INPP4B: variants seen among roughly 807,000 people sequenced by gnomAD.
The protein encoded by INPP4B is inositol polyphosphate 4-phosphatase type II.
INPP4B carries 55 observed loss-of-function variants against 122.5 expected under a neutral mutation model. The ratio of observed to expected loss-of-function variants is 0.45; its 90% confidence interval spans 0.36 to 0.56. The LOEUF (loss-of-function observed/expected upper bound fraction) is 0.56. INPP4B is among the 20% of genes least tolerant of loss of function. The probability of loss-of-function intolerance (pLI) is 0.00; values close to 1 mark genes in which losing one functional copy is unlikely to be tolerated. For missense variants in INPP4B, 1,000 were observed against 1,097.7 expected (o/e 0.91, Z 1.26); for synonymous variants, 403 against 388.7 (o/e 1.04, Z -0.43).
intron 1 of INPP4B, among the ~76,000 whole-genome samples, chr4:142,818,275 C>T (rs1285707371): frequency 1.3e-5 from 2 of 152,160 alleles, no homozygotes; most frequent in Admixed American, 6.6e-5. Context: ...ACTTCAAAGA[C>T]CATCCATCAC....
intron 2 of INPP4B, among the ~76,000 whole-genome samples, chr4:142,533,302 G>A (rs1232741731): frequency 6.6e-6 from 1 of 152,082 alleles, no homozygotes; most frequent in East Asian, 1.9e-4. Context: ...TGCCATCAGT[G>A]TGAGGAAAAA....
chr4:142,748,850 C>T (rs1383599880), intron 1 of INPP4B, among the ~76,000 whole-genome samples: 2 of 151,890 alleles, frequency 1.3e-5, no homozygotes, highest in African/African-American at 2.4e-5. Context: ...AATATATTAG[C>T]TAAGACAGGC....
At chr4:142,242,220 C>T (rs918893878) in intron 11 of INPP4B, among the ~76,000 whole-genome samples, 1 of 152,088 alleles carries the variant, frequency 6.6e-6, no homozygotes, top group African/African-American at 2.4e-5. Flanking sequence ...CGGATGAGCA[C>T]TGAGAAATCT....
chr4:142,185,632 C>T (rs1470908545), intron 15 of INPP4B, among the ~76,000 whole-genome samples: 2 of 151,926 alleles, frequency 1.3e-5, no homozygotes, highest in East Asian at 2.0e-4. Context: ...GTAATCCTAG[C>T]ACTTCGAGAG....
In INPP4B at chr4:142,261,392, A is replaced by G. The variant is rs72939281; in HGVS notation, c.616-828T>C. ...GAGTTTCCTTTTATCTTTAGAAAAA[A>G]ATATGGGGGTGTGAGTGGGGACAGG... On this transcript the variant is annotated intron_variant, in intron 10 of 25. Coordinates refer to ENST00000262992, the MANE Select transcript of INPP4B (RefSeq NM_001101669.3). Among the ~76,000 whole-genome samples, 470 of 152,286 alleles carry G rather than the reference A, an allele frequency of 3.1e-3. 3 individuals carry two copies. The highest frequency in any genetic ancestry group is 9.5e-3 in the African/African-American group (395 of 41,556).
intron 10 of INPP4B, among the ~76,000 whole-genome samples, chr4:142,269,855 AT>A: frequency 6.6e-6 from 1 of 152,270 alleles, no homozygotes; most frequent in Middle Eastern, 3.4e-3. Context: ...ATTAAAAATA[AT>A]TTTTTAAAAT....
intron 10 of INPP4B, 83 bp downstream of exon 10, chr4:142,270,580 C>T: frequency 1.1e-6 from 1 of 931,100 alleles, no homozygotes; most frequent in Non-Finnish European, 1.8e-6. Context: ...TTTCAAACCC[C>T]ACAGAGATGT....
In INPP4B at chr4:142,027,920, G is replaced by GAAAC. The variant is rs1440925970; in HGVS notation, c.*858_*861dup. 2 of 183,570 alleles carry GAAAC rather than the reference G, an allele frequency of 1.1e-5. No homozygotes were observed. Among genetic ancestry groups the GAAAC allele is most frequent in the African/African-American group, 4.7e-5 (2 of 42,596 alleles). The allele number at this position is 183,570 out of a possible 1,614,324, so 11.4% of individuals were successfully genotyped here. ...ATGCTTACACCAGGATGACTGCTAA[G>GAAAC]AAACATCTCAGAGATACCTCACTGA... On this transcript the variant is annotated 3_prime_UTR_variant, in exon 26 of 26. Coordinates refer to ENST00000262992, the MANE Select transcript of INPP4B (RefSeq NM_001101669.3).
At position 142,525,669 on chromosome 4, in the gene INPP4B, GA is replaced by G; in HGVS notation, c.-190-62944del. 2.6e-5 allele frequency among the ~76,000 whole-genome samples: 3 copies of G among 116,536 alleles called. No homozygotes were observed. In the East Asian group the frequency reaches 6.5e-4, roughly 25 times the overall value. 76.5% of individuals were successfully genotyped at this position (116,536 alleles called of 152,430 possible). On this transcript the variant is annotated intron_variant, in intron 2 of 25. Transcript: ENST00000262992. ...TTCCCTATTTAATAAATGGTGCTGG[GA>G]AAACTGGCTAGCCATATGTAGAAAG...
rs114727569 is a variant in INPP4B, at chr4:142,679,379, C to T, written c.-191+46460G>A. The stretch of plus-strand genomic sequence containing the variant: ...GAAATAGTGAGGGTATTTGTTTGTC[C>T]TCTGGTAAAGTCTTGCATGGGTATT... On this transcript the variant is annotated intron_variant, in intron 2 of 25. Transcript: ENST00000262992. 7.4e-3 allele frequency among the ~76,000 whole-genome samples: 1,127 copies of T among 151,904 alleles called. 15 individuals carry two copies. Among genetic ancestry groups the T allele is most frequent in the African/African-American group, 0.026 (1,074 of 41,470 alleles).
intron 2 of INPP4B, among the ~76,000 whole-genome samples, chr4:142,696,272 A>G (rs1761008516): frequency 6.6e-6 from 1 of 152,070 alleles, no homozygotes; most frequent in Non-Finnish European, 1.5e-5. Context: ...ACTAGCATTT[A>G]TACCATCCTC....
At chr4:142,737,670 C>A (rs1237948236) in intron 1 of INPP4B, among the ~76,000 whole-genome samples, 1 of 152,156 alleles carries the variant, frequency 6.6e-6, no homozygotes, top group African/African-American at 2.4e-5. Context: ...TCAGACTGAA[C>A]AGGCAACCTA....
At chr4:142,450,291 A>G (rs368691863) in intron 3 of INPP4B, among the ~76,000 whole-genome samples, 1 of 152,192 alleles carries the variant, frequency 6.6e-6, no homozygotes, top group African/African-American at 2.4e-5. Flanking sequence ...GGACAGTTAG[A>G]GCACAGCTCA....
chr4:142,249,999 T>C (rs914235097), intron 11 of INPP4B, among the ~76,000 whole-genome samples: 7 of 152,236 alleles, frequency 4.6e-5, no homozygotes, highest in African/African-American at 1.4e-4. Flanking sequence ...TAAGTCTGCT[T>C]TTTAACAACT....
At chr4:142,172,336 T>C (rs1246030690) in intron 16 of INPP4B, among the ~76,000 whole-genome samples, 4 of 151,950 alleles carry the variant, frequency 2.6e-5, no homozygotes, top group Non-Finnish European at 4.4e-5. Context: ...AGCTTTAGCC[T>C]TTTTCTGTGT....
intron 17 of INPP4B, among the ~76,000 whole-genome samples, chr4:142,153,615 A>G (rs989606447): frequency 6.6e-6 from 1 of 152,200 alleles, no homozygotes; most frequent in Non-Finnish European, 1.5e-5. Flanking sequence ...ATTATTTTAC[A>G]TAATCATTAC....
intron 7 of INPP4B, chr4:142,384,230 T>A: frequency 1.5e-6 from 1 of 659,762 alleles, no homozygotes; most frequent in South Asian, 1.7e-5. Flanking sequence ...AAAAAACAGG[T>A]ATTAACTCAA....
At chr4:142,061,883 CACATATATATATATAT>C (rs1474029914) in intron 25 of INPP4B, among the ~76,000 whole-genome samples, 54 of 11,588 alleles carry the variant, frequency 4.7e-3, no homozygotes, top group African/African-American at 6.8e-3. Context: ...CACACACACA[CACATATATATATATAT>C]ATATATATAT....
intron 3 of INPP4B, among the ~76,000 whole-genome samples, chr4:142,447,124 G>C (rs996638237): frequency 8.5e-5 from 13 of 152,208 alleles, no homozygotes; most frequent in African/African-American, 2.9e-4. Flanking sequence ...GGTAGGAGCA[G>C]AGTTTTGAGC....
Sources: gnomAD v4.1 joint callset for allele counts (sites outside exome capture counted in the v4.1 genomes callset) on GRCh38, gnomAD v4.1.1 for gene constraint, MANE v1.5 for transcripts, NCBI Gene and HGNC (gene_info 2026-07-23, HGNC 2026-07-21) for gene names.